Variants in TBC1D22A observed in about 807,000 individuals in gnomAD.
TBC1D22A encodes the protein putative GTPase activator.
Under a neutral mutation model 60.2 loss-of-function variants are expected in TBC1D22A, and 38 were observed. The observed-to-expected ratio is 0.63, with a 90% CI of 0.49 to 0.83. The LOEUF is 0.83. Ranked by LOEUF, TBC1D22A falls within the 40% of genes least tolerant of loss-of-function variation. The probability of loss-of-function intolerance (pLI) is 0.00; values close to 1 mark genes in which losing one functional copy is unlikely to be tolerated. For synonymous variants in TBC1D22A, 302 were observed against 281.7 expected (o/e 1.07, Z -0.72); for missense variants, 628 against 701.0 (o/e 0.90, Z 1.18).
At chr22:47,148,366 A>T (rs1260906296) in intron 12 of TBC1D22A, among the ~76,000 whole-genome samples, 1 of 151,624 alleles carries the variant, frequency 6.6e-6, no homozygotes, top group African/African-American at 2.4e-5. Flanking sequence ...AGCAGAGAAG[A>T]GAGACTATAT....
intron 9 of TBC1D22A, among the ~76,000 whole-genome samples, chr22:46,994,518 C>G (rs528048103): frequency 1.3e-5 from 2 of 152,358 alleles, no homozygotes; most frequent in Admixed American, 6.5e-5. Context: ...ACATAACCAT[C>G]AGGGACCTGG....
chr22:46,893,507 A>G (rs1286869358), intron 6 of TBC1D22A, among the ~76,000 whole-genome samples: 1 of 152,162 alleles, frequency 6.6e-6, no homozygotes, highest in Admixed American at 6.5e-5. Context: ...AGGAGCTCCT[A>G]TGTAAGCGGG....
chr22:47,125,226 C>CACACT (rs1199849031), intron 12 of TBC1D22A, among the ~76,000 whole-genome samples: 1 of 152,180 alleles, frequency 6.6e-6, no homozygotes, highest in Non-Finnish European at 1.5e-5. Flanking sequence ...GGTTCCTCCT[C>CACACT]ACACTTCAGG....
chr22:47,125,819 C>A (rs1025428409), intron 12 of TBC1D22A, among the ~76,000 whole-genome samples: 1 of 152,304 alleles, frequency 6.6e-6, no homozygotes, highest in African/African-American at 2.4e-5. Flanking sequence ...CAGGCCAACC[C>A]CAGCCTGAGC....
At chr22:46,930,459 A>G (rs1004296385) in intron 8 of TBC1D22A, among the ~76,000 whole-genome samples, 2 of 151,648 alleles carry the variant, frequency 1.3e-5, no homozygotes, top group African/African-American at 4.8e-5. Flanking sequence ...CCTTGCATTT[A>G]TTTATTTACT....
At chr22:46,898,427 T>C (rs1469959378) in intron 7 of TBC1D22A, among the ~76,000 whole-genome samples, 1 of 152,170 alleles carries the variant, frequency 6.6e-6, no homozygotes, top group Non-Finnish European at 1.5e-5. Flanking sequence ...TTTTCAGGGC[T>C]CCAAATTTAA....
At chr22:47,078,543 T>C (rs760807886) in intron 11 of TBC1D22A, among the ~76,000 whole-genome samples, 12 of 152,058 alleles carry the variant, frequency 7.9e-5, no homozygotes, top group Non-Finnish European at 1.5e-4. Flanking sequence ...AATGGAATAG[T>C]GAATGTAACG....
intron 11 of TBC1D22A, among the ~76,000 whole-genome samples, chr22:47,092,725 G>C (rs2065025555): frequency 6.6e-6 from 1 of 152,208 alleles, no homozygotes; most frequent in Non-Finnish European, 1.5e-5. Context: ...TGCTCTTTTA[G>C]CTAAGTTCAG....
intron 7 of TBC1D22A, among the ~76,000 whole-genome samples, chr22:46,899,102 G>A (rs889365089): frequency 7.9e-5 from 12 of 152,078 alleles, no homozygotes; most frequent in Admixed American, 2.6e-4. Flanking sequence ...GCACAGCCTT[G>A]TGTGTGTGGG....
intron 6 of TBC1D22A, 61 bp from the exon 7 acceptor site, chr22:46,894,723 A>G (rs2068580652): frequency 1.9e-6 from 3 of 1,590,438 alleles, no homozygotes; most frequent in Non-Finnish European, 8.6e-7. Flanking sequence ...TTTTAATCAT[A>G]TCGCTCGTAA....
Position 46,864,754 on chromosome 22 carries a change from G to A in TBC1D22A, c.638-13899G>A, listed in dbSNP as rs770264187. On this transcript the variant is annotated intron_variant, in intron 4 of 12. Transcript: ENST00000337137. ...TGCACTATTTTGGGGACCTTATGGA[G>A]TGCCAGTGGTGTTCCCGAGGGAGTA... is the stretch of plus-strand genomic sequence containing the variant. Among the ~76,000 whole-genome samples the A allele has an allele frequency of 3.5e-4, 54 of 152,320 alleles. 1 individual carries two copies. In the Middle Eastern group the frequency reaches 0.02, roughly 58 times the overall value.
At chr22:46,847,649 T>C (rs948292059) in intron 4 of TBC1D22A, among the ~76,000 whole-genome samples, 4 of 152,206 alleles carry the variant, frequency 2.6e-5, no homozygotes, top group African/African-American at 9.7e-5. Context: ...CTGTTGATGA[T>C]GTCTGAGGTC....
chr22:46,770,451 G>T (rs2083445561), intron 1 of TBC1D22A, among the ~76,000 whole-genome samples: 1 of 152,246 alleles, frequency 6.6e-6, no homozygotes, highest in African/African-American at 2.4e-5. Context: ...CATGTTTTAA[G>T]CTGTGGTAAT....
intron 11 of TBC1D22A, among the ~76,000 whole-genome samples, chr22:47,079,423 A>G (rs913786829): frequency 1.1e-4 from 17 of 152,272 alleles, no homozygotes; most frequent in African/African-American, 4.1e-4. Flanking sequence ...TTGAAGTTTC[A>G]TTTCTAGTAG....
At chr22:47,171,929 C>T (rs1167086491) in intron 12 of TBC1D22A, among the ~76,000 whole-genome samples, 2 of 152,186 alleles carry the variant, frequency 1.3e-5, no homozygotes, top group Non-Finnish European at 2.9e-5. Flanking sequence ...TGAGACACGG[C>T]CCAGCTGCAG....
At chr22:46,855,901 AG>A (rs1057480678) in intron 4 of TBC1D22A, among the ~76,000 whole-genome samples, 17 of 152,176 alleles carry the variant, frequency 1.1e-4, no homozygotes, top group African/African-American at 3.4e-4. Context: ...AAATTAATTG[AG>A]CTTATCATGG....
intron 1 of TBC1D22A, among the ~76,000 whole-genome samples, chr22:46,770,130 G>T (rs1319239153): frequency 1.3e-5 from 2 of 152,198 alleles, no homozygotes; most frequent in African/African-American, 4.8e-5. Flanking sequence ...CGAGCTTTTG[G>T]ACGTGGTCAG....
intron 12 of TBC1D22A, among the ~76,000 whole-genome samples, chr22:47,126,085 G>A (rs991871781): frequency 3.9e-5 from 6 of 152,162 alleles, no homozygotes; most frequent in African/African-American, 1.4e-4. Flanking sequence ...AGGTTCAAGT[G>A]AGTCTTCCGT....
intron 8 of TBC1D22A, among the ~76,000 whole-genome samples, chr22:46,941,498 G>A (rs1018156262): frequency 5.4e-5 from 7 of 130,560 alleles, no homozygotes; most frequent in African/African-American, 8.6e-5. Flanking sequence ...ATATATACAC[G>A]GAATATATAT....
Sources: gnomAD v4.1 joint callset for allele counts (sites outside exome capture counted in the v4.1 genomes callset) on GRCh38, gnomAD v4.1.1 for gene constraint, MANE v1.5 for transcripts, NCBI Gene and HGNC (gene_info 2026-07-23, HGNC 2026-07-21) for gene names.